ZC2HC1B: variants seen among roughly 807,000 people sequenced by gnomAD.
ZC2HC1B encodes zinc finger C2HC-type containing 1B.
ZC2HC1B carries 36 observed loss-of-function variants against 31.0 expected under a neutral mutation model. The observed-to-expected ratio is 1.16, with a 90% CI of 0.89 to 1.54. ZC2HC1B has a LOEUF of 1.54. ZC2HC1B is among the 40% of genes most tolerant of loss of function. ZC2HC1B has a pLI of 0.00. For synonymous variants in ZC2HC1B, 73 were observed against 88.0 expected, an observed-to-expected ratio of 0.83 and a Z score of 0.95; for missense variants, 260 against 268.6, an observed-to-expected ratio of 0.97 and a Z score of 0.22.
At chr6:143,901,321 G>A (rs1582963886) in intron 5 of ZC2HC1B, among the ~76,000 whole-genome samples, 1 of 117,710 alleles carries the variant, frequency 8.5e-6, no homozygotes. Flanking sequence ...GTGCAGTGGT[G>A]TGATCTCGGC....
chr6:143,904,074 A>G (rs1399214661), intron 6 of ZC2HC1B, among the ~76,000 whole-genome samples: 1 of 152,166 alleles, frequency 6.6e-6, no homozygotes. Context: ...TTTAATTTGC[A>G]TATCTCTAAT....
chr6:143,879,249 TC>T (rs1234136997), intron 1 of ZC2HC1B, among the ~76,000 whole-genome samples: 1 of 152,194 alleles, frequency 6.6e-6, no homozygotes, highest in Non-Finnish European at 1.5e-5. Context: ...CTTTAAGTCC[TC>T]CAAGTCAGTT....
intron 4 of ZC2HC1B, among the ~76,000 whole-genome samples, chr6:143,894,067 A>G (rs2128494569): frequency 6.6e-6 from 1 of 152,374 alleles, no homozygotes; most frequent in East Asian, 1.9e-4. Flanking sequence ...ACAAAAAATG[A>G]AAACATGTCC....
rs139919454 is a variant in ZC2HC1B at position 143,895,768 on chromosome 6, C to T, written c.350-2784C>T. On this transcript the variant is annotated intron_variant, in intron 4 of 7. Coordinates refer to ENST00000237275, the MANE Select transcript of ZC2HC1B (RefSeq NM_001013623.3). The surrounding 1 kb of genome is among the most constrained non-coding windows in gnomAD (Gnocchi z 4.8). ...GCTACATAGACACGGATACACAGCA[C>T]AATATTGGCATTTTAAAATAATGCT... 4.6e-5 allele frequency among the ~76,000 whole-genome samples: 7 copies of T among 152,108 alleles called. No homozygotes were observed. Among genetic ancestry groups the T allele is most frequent in the Non-Finnish European group, 1.0e-4 (7 of 68,022 alleles).
At chr6:143,937,333 G>A (rs1326248827) in intron 6 of ZC2HC1B, among the ~76,000 whole-genome samples, 3 of 152,176 alleles carry the variant, frequency 2.0e-5, no homozygotes, top group Non-Finnish European at 2.9e-5. Flanking sequence ...GAAAGCTGGG[G>A]CAATAGCGGA....
At chr6:143,920,725 T>C (rs1242035912) in intron 6 of ZC2HC1B, among the ~76,000 whole-genome samples, 1 of 151,914 alleles carries the variant, frequency 6.6e-6, no homozygotes, top group Non-Finnish European at 1.5e-5. Context: ...CTGGCCAACA[T>C]GGTGAAACCC....
At chr6:143,902,893 G>T (rs976850546) in intron 5 of ZC2HC1B, 151 bp from the exon 6 acceptor site, 3 of 652,942 alleles carry the variant, frequency 4.6e-6, no homozygotes, top group Non-Finnish European at 7.9e-6. Flanking sequence ...AGTGCAGGGT[G>T]TGTGTCTGTC....
At position 143,919,866 on chromosome 6, in the gene ZC2HC1B, G is replaced by A. The variant is rs142972815; in HGVS notation, c.598+16714G>A. ...GTTATATGGGACACATTGTGCCAGC[G>A]CAATTGTTATCTAGGAGGGGAGACA... On this transcript the variant is annotated intron_variant, in intron 6 of 7. Transcript: ENST00000237275. 5.1e-3 allele frequency among the ~76,000 whole-genome samples: 778 copies of A among 152,216 alleles called. 4 individuals are homozygous for A. The highest frequency in any genetic ancestry group is 0.017 in the African/African-American group (707 of 41,524).
At chr6:143,902,325 T>C (rs1478343979) in intron 5 of ZC2HC1B, among the ~76,000 whole-genome samples, 1 of 152,220 alleles carries the variant, frequency 6.6e-6, no homozygotes, top group Non-Finnish European at 1.5e-5. Context: ...TTAAAATGTG[T>C]CATACTCTTA....
Position 143,921,365 on chromosome 6 carries a change from A to G in ZC2HC1B, c.599-16284A>G, listed in dbSNP as rs1777985026. Among the ~76,000 whole-genome samples, 1 of 152,230 alleles carries G rather than the reference A, an allele frequency of 6.6e-6. No homozygotes were observed. Among genetic ancestry groups the G allele is most frequent in the South Asian group, 2.1e-4 (1 of 4,832 alleles). On this transcript the variant is annotated intron_variant, in intron 6 of 7. Transcript: ENST00000237275. This position sits in a 1 kb window ranked among gnomAD's most constrained non-coding sequence, Gnocchi z 6.1. ...AGAAATGGAATATAAGTTTCAAGAA[A>G]GGGGAATTCTCTACTGTATCTTTCT...
intron 6 of ZC2HC1B, among the ~76,000 whole-genome samples, chr6:143,914,053 A>G (rs1777890147): frequency 6.6e-6 from 1 of 151,798 alleles, no homozygotes; most frequent in African/African-American, 2.4e-5. Context: ...GGTTTTATTG[A>G]TTTTTCTCTA....
intron 1 of ZC2HC1B, among the ~76,000 whole-genome samples, chr6:143,867,446 G>A (rs1395861725): frequency 6.6e-6 from 1 of 152,202 alleles, no homozygotes; most frequent in African/African-American, 2.4e-5. Context: ...ATGTCAGTGA[G>A]CAAGGTGATG....
At chr6:143,882,340 A>ATG (rs1409096892) in intron 1 of ZC2HC1B, among the ~76,000 whole-genome samples, 1 of 130,622 alleles carries the variant, frequency 7.7e-6, no homozygotes, top group Non-Finnish European at 1.6e-5. Context: ...TTTTTTATAT[A>ATG]TATATATATA....
In ZC2HC1B at chr6:143,905,096, T is replaced by C. The variant is rs1003899528; in HGVS notation, c.598+1944T>C. ...ATTTTAGGTTGGGCTTTTTTATTTC[T>C]GCAAGAAACATCATTGAGATTTTAA... On this transcript the variant is annotated intron_variant, in intron 6 of 7. Transcript: ENST00000237275. The surrounding 1 kb of genome is among the most constrained non-coding windows in gnomAD (Gnocchi z 4.2). 6.6e-6 allele frequency among the ~76,000 whole-genome samples: 1 copy of C among 152,236 alleles called. No homozygotes were observed. The highest frequency in any genetic ancestry group is 1.5e-5 in the Non-Finnish European group (1 of 68,038).
chr6:143,933,248 A>G lies in ZC2HC1B; in HGVS notation c.599-4401A>G, dbSNP rs868850604. On this transcript the variant is annotated intron_variant, in intron 6 of 7. Coordinates refer to ENST00000237275, the MANE Select transcript of ZC2HC1B (RefSeq NM_001013623.3). This position sits in a 1 kb window ranked among gnomAD's most constrained non-coding sequence, Gnocchi z 6.4. Reference sequence around the variant, plus strand: ...CAGGGTTGTTCTGTTATGAGTTGCTATAATGTTCTGAGTTGGTTAACCTTG... The same window carrying G: ...CAGGGTTGTTCTGTTATGAGTTGCTGTAATGTTCTGAGTTGGTTAACCTTG... Among the ~76,000 whole-genome samples, 1 of 152,122 alleles carries G rather than the reference A, an allele frequency of 6.6e-6. No homozygotes were observed. The highest frequency in any genetic ancestry group is 1.5e-5 in the Non-Finnish European group (1 of 68,028).
chr6:143,870,180 C>T lies in ZC2HC1B; in HGVS notation c.28+5613C>T, dbSNP rs1177437043. On this transcript the variant is annotated intron_variant, in intron 1 of 7. Coordinates refer to ENST00000237275, the MANE Select transcript of ZC2HC1B (RefSeq NM_001013623.3). The surrounding 1 kb of genome is among the most constrained non-coding windows in gnomAD (Gnocchi z 4.7). ...TTGCACATCTGACCATTTCTCCTTTCATGCAAAGTGCACAAGCAAGTGCAC... is the reference window on the plus strand; with the variant it reads ...TTGCACATCTGACCATTTCTCCTTTTATGCAAAGTGCACAAGCAAGTGCAC... Among the ~76,000 whole-genome samples the T allele has an allele frequency of 1.3e-5, 2 of 152,196 alleles. No individual in the cohort carries two copies.
rs1382317624 is a variant in ZC2HC1B at position 143,885,592 on chromosome 6, T to A, written c.91-440T>A. On this transcript the variant is annotated intron_variant, in intron 2 of 7. Coordinates refer to ENST00000237275, the MANE Select transcript of ZC2HC1B (RefSeq NM_001013623.3). This position sits in a 1 kb window ranked among gnomAD's most constrained non-coding sequence, Gnocchi z 4.2. ...AAAGCTACTGTGTCAATGATGGTTA[T>A]TATGTGTCACACATCCACGAAGGGA... 6.6e-6 allele frequency among the ~76,000 whole-genome samples: 1 copy of A among 152,194 alleles called. No individual in the cohort carries two copies. The highest frequency in any genetic ancestry group is 1.5e-5 in the Non-Finnish European group (1 of 68,036).
chr6:143,878,526 T>C lies in ZC2HC1B; in HGVS notation c.29-5778T>C, dbSNP rs372323157. Among the ~76,000 whole-genome samples the C allele has an allele frequency of 6.6e-5, 10 of 150,740 alleles. No individual in the cohort carries two copies. In the South Asian group the frequency reaches 2.1e-3, roughly 32 times the overall value. ...GCTGCCTAGAACATTGCTGAAGTGC[T>C]GTCTAGTGTTCCTAAGCTCAAGGCT... is the stretch of plus-strand genomic sequence containing the variant. On this transcript the variant is annotated intron_variant, in intron 1 of 7. Transcript: ENST00000237275.
At chr6:143,935,628 A>G (rs76301100) in intron 6 of ZC2HC1B, among the ~76,000 whole-genome samples, 1,697 of 133,924 alleles carry the variant, frequency 0.013, 47 homozygotes, top group Admixed American at 0.063. Context: ...TCAGTAGTTT[A>G]GGCCACTTGG....
Sources: gnomAD v4.1 joint callset for allele counts (sites outside exome capture counted in the v4.1 genomes callset) on GRCh38, gnomAD v4.1.1 for gene constraint, Gnocchi (gnomAD v3.1) non-coding constraint, MANE v1.5 for transcripts, NCBI Gene and HGNC (gene_info 2026-07-23, HGNC 2026-07-21) for gene names.